Variants in NPAS2 observed in about 807,000 individuals in gnomAD.
NPAS2 encodes the protein neuronal PAS domain-containing protein 2.
Under a neutral mutation model 107.5 loss-of-function variants are expected in NPAS2, and 23 were observed. The observed-to-expected ratio is 0.21, with a 90% CI of 0.15 to 0.30. The LOEUF is 0.30. Among genes scored for constraint, NPAS2 ranks in the 10% least tolerant of loss-of-function variants. The pLI is 1.00. For missense variants in NPAS2, 756 were observed against 1,043.3 expected, an observed-to-expected ratio of 0.72 and a Z score of 3.79; for synonymous variants, 403 against 417.5, an observed-to-expected ratio of 0.97 and a Z score of 0.42.
At chr2:100,859,120 C>A (rs1678773856) in intron 1 of NPAS2, among the ~76,000 whole-genome samples, 1 of 152,146 alleles carries the variant, frequency 6.6e-6, no homozygotes, top group Non-Finnish European at 1.5e-5. Flanking sequence ...CAAAATTAGC[C>A]GGGCATGGTA....
intron 7 of NPAS2, among the ~76,000 whole-genome samples, chr2:100,957,762 T>TA (rs1389882058): frequency 1.3e-5 from 2 of 151,758 alleles, no homozygotes; most frequent in African/African-American, 2.4e-5. Flanking sequence ...CCGTCTCTGC[T>TA]AAAAATACAG....
intron 7 of NPAS2, among the ~76,000 whole-genome samples, chr2:100,962,268 G>A (rs976995204): frequency 2.0e-5 from 3 of 152,088 alleles, no homozygotes; most frequent in Non-Finnish European, 4.4e-5. Context: ...CATGTTAGTG[G>A]AGAGAAGACC....
intron 1 of NPAS2, among the ~76,000 whole-genome samples, chr2:100,834,992 G>A (rs1297267709): frequency 6.6e-6 from 1 of 152,220 alleles, no homozygotes; most frequent in East Asian, 1.9e-4. Context: ...TGGGATTACA[G>A]GCGTGAGCCA....
chr2:100,958,201 C>T (rs1483557728), intron 7 of NPAS2, among the ~76,000 whole-genome samples: 1 of 152,150 alleles, frequency 6.6e-6, no homozygotes, highest in Non-Finnish European at 1.5e-5. Context: ...TTTACCTACT[C>T]GCCTCTAACC....
intron 16 of NPAS2, chr2:100,984,001 G>T (rs1202947508): frequency 1.3e-5 from 2 of 152,220 alleles, no homozygotes; most frequent in Non-Finnish European, 2.9e-5. Context: ...ATAACAGGCA[G>T]CAAGGTTATC....
In NPAS2 at chr2:100,939,178, C is replaced by T. The variant is rs543253038; in HGVS notation, c.363+1336C>T. Among the ~76,000 whole-genome samples the T allele has an allele frequency of 1.6e-4, 24 of 152,218 alleles. No individual in the cohort carries two copies. The South Asian group carries it at 5.0e-3, about 32-fold the overall frequency. ...CCACTCCCTTATCCCACCATTAGTG[C>T]AAATGATGCTGTGTGCAGATCGAAG... is the stretch of plus-strand genomic sequence containing the variant. On this transcript the variant is annotated intron_variant, in intron 5 of 20. Transcript: ENST00000335681.
At chr2:100,964,469 G>T (rs1442438576) in intron 8 of NPAS2, among the ~76,000 whole-genome samples, 4 of 152,212 alleles carry the variant, frequency 2.6e-5, no homozygotes, top group Non-Finnish European at 4.4e-5. Context: ...TGCAGGCCAG[G>T]CCTGGGTGAG....
chr2:100,913,024 C>G (rs114123649), intron 2 of NPAS2, among the ~76,000 whole-genome samples: 1 of 152,306 alleles, frequency 6.6e-6, no homozygotes, highest in African/African-American at 2.4e-5. Context: ...CTCACATCTT[C>G]TGAAGTCTGT....
At chr2:100,874,632 C>T (rs907409695) in intron 1 of NPAS2, among the ~76,000 whole-genome samples, 1 of 151,978 alleles carries the variant, frequency 6.6e-6, no homozygotes, top group Non-Finnish European at 1.5e-5. Context: ...ATCCCAGCTA[C>T]TCAGGAGGCT....
In NPAS2 at chr2:100,996,028, A is replaced by G; in HGVS notation, c.*446A>G. ...CAGAGATCTGTTGGAGAGAGAGAATAAAGAGATTATTTTTCATTATTTTTA... is the reference window on the plus strand; with the variant it reads ...CAGAGATCTGTTGGAGAGAGAGAATGAAGAGATTATTTTTCATTATTTTTA... On this transcript the variant is annotated 3_prime_UTR_variant, in exon 21 of 21. Transcript: ENST00000335681. 9.2e-7 allele frequency: 1 copy of G among 1,084,192 alleles called. No individual in the cohort carries two copies. The allele number at this position is 1,084,192 out of a possible 1,614,324, so 67.2% of individuals were successfully genotyped here.
chr2:100,826,039 A>T (rs1232325344), intron 1 of NPAS2, among the ~76,000 whole-genome samples: 1 of 152,194 alleles, frequency 6.6e-6, no homozygotes, highest in African/African-American at 2.4e-5. Context: ...GTTGTAGCCA[A>T]AAGCATCCCA....
intron 1 of NPAS2, among the ~76,000 whole-genome samples, chr2:100,899,486 G>A (rs913545206): frequency 6.6e-6 from 1 of 152,126 alleles, no homozygotes. Flanking sequence ...GCTTCCCAAA[G>A]TGCTGGGATT....
intron 1 of NPAS2, among the ~76,000 whole-genome samples, chr2:100,887,179 C>A (rs1369851565): frequency 6.6e-6 from 1 of 152,188 alleles, no homozygotes; most frequent in African/African-American, 2.4e-5. Context: ...GCTGGGCCCT[C>A]CTGAGACAAC....
At chr2:100,858,048 C>T (rs183514107) in intron 1 of NPAS2, among the ~76,000 whole-genome samples, 4 of 152,348 alleles carry the variant, frequency 2.6e-5, no homozygotes, top group Admixed American at 2.6e-4. Flanking sequence ...CTTTATAAAA[C>T]ATGATTCAGT....
chr2:100,852,878 T>A (rs903789303), intron 1 of NPAS2, among the ~76,000 whole-genome samples: 3 of 151,444 alleles, frequency 2.0e-5, no homozygotes, highest in African/African-American at 7.3e-5. Flanking sequence ...TTTAAAAAAA[T>A]AAAATAAAAT....
rs1683480761 is a variant in NPAS2 at position 100,925,211 on chromosome 2, G to A, written c.98G>A (p.Ser33Asn). 2 of 1,614,176 alleles carry A rather than the reference G, an allele frequency of 1.2e-6. No homozygotes were observed. The highest frequency in any genetic ancestry group is 1.7e-6 in the Non-Finnish European group (2 of 1,180,028). ...DQFNVLIKEL[S>N]SMLPGNTRKM... ...TTCAATGTTCTCATCAAAGAGCTCA[G>A]TTCCATGCTCCCTGGCAACACGCGG... The change falls in exon 3 of 21, where the codon AGT becomes AAT. Residue 33 changes from serine to asparagine, a missense_variant. Ser to Asn is a conservative substitution (Grantham distance 46, BLOSUM62 1). Around this residue, in one of 4 missense-constraint regions of NPAS2, gnomAD observed 146 missense variants for 249.6 expected, o/e 0.58. Coordinates refer to ENST00000335681, the MANE Select transcript of NPAS2 (RefSeq NM_002518.4).
At chr2:100,856,312 TG>T (rs1168957981) in intron 1 of NPAS2, among the ~76,000 whole-genome samples, 3 of 152,220 alleles carry the variant, frequency 2.0e-5, no homozygotes, top group African/African-American at 7.2e-5. Flanking sequence ...TGGTTAATTC[TG>T]GTTGAGAACT....
At chr2:100,836,266 A>G (rs1372221823) in intron 1 of NPAS2, among the ~76,000 whole-genome samples, 2 of 152,110 alleles carry the variant, frequency 1.3e-5, no homozygotes, top group African/African-American at 4.8e-5. Flanking sequence ...TAGCGACCTC[A>G]CTTCGATGTG....
At chr2:100,842,652 A>G (rs955459657) in intron 1 of NPAS2, among the ~76,000 whole-genome samples, 1 of 152,116 alleles carries the variant, frequency 6.6e-6, no homozygotes, top group Admixed American at 6.5e-5. Flanking sequence ...GCGGGTCCAT[A>G]TAACTGAGCA....
Sources: gnomAD v4.1 joint callset for allele counts (sites outside exome capture counted in the v4.1 genomes callset) on GRCh38, gnomAD v4.1.1 for gene constraint, gnomAD v4.1.1 regional missense constraint, MANE v1.5 for transcripts, NCBI Gene and HGNC (gene_info 2026-07-23, HGNC 2026-07-21) for gene names.